ROBO1: variants seen among roughly 807,000 people sequenced by gnomAD.
ROBO1 encodes the protein roundabout homolog 1.
ROBO1 carries 149 observed loss-of-function variants against 195.9 expected under a neutral mutation model. The observed-to-expected ratio is 0.76, with a 90% CI of 0.67 to 0.87. The LOEUF (loss-of-function observed/expected upper bound fraction) is 0.87, where lower values mean the gene tolerates loss of function less well. Ranked by LOEUF, ROBO1 falls within the 40% of genes least tolerant of loss-of-function variation. ROBO1 has a pLI of 0.00. For synonymous variants in ROBO1, 816 were observed against 733.2 expected (o/e 1.11, Z -1.82); for missense variants, 1,933 against 2,068.3 (o/e 0.93, Z 1.27).
chr3:78,640,687 A>G (rs942431795), intron 21 of ROBO1, among the ~76,000 whole-genome samples: 1 of 152,190 alleles, frequency 6.6e-6, no homozygotes, highest in African/African-American at 2.4e-5. Context: ...CCTTGGACCA[A>G]CAGAGCCAGG....
intron 2 of ROBO1, among the ~76,000 whole-genome samples, chr3:79,575,321 C>CAAATATATATAAATATATATATAAT (rs1560007663): frequency 9.9e-6 from 1 of 100,820 alleles, no homozygotes; most frequent in African/African-American, 4.6e-5. Context: ...ATATATATAA[C>CAAATATATATAAATATATATATAAT]ATATATATAA....
intron 8 of ROBO1, chr3:78,693,382 A>C: frequency 6.8e-7 from 1 of 1,460,128 alleles, no homozygotes. Context: ...AAAAGAAAAC[A>C]TGGAATAAAT....
intron 26 of ROBO1, among the ~76,000 whole-genome samples, 154 bp from the exon 27 acceptor site, chr3:78,618,195 A>G (rs1704243315): frequency 1.3e-5 from 2 of 152,192 alleles, no homozygotes; most frequent in African/African-American, 4.8e-5. Flanking sequence ...AATATATTTA[A>G]GTTTGATTTT....
chr3:79,053,991 C>T (rs934039661), intron 3 of ROBO1, among the ~76,000 whole-genome samples: 1 of 152,080 alleles, frequency 6.6e-6, no homozygotes, highest in Non-Finnish European at 1.5e-5. Flanking sequence ...AATGGTATTA[C>T]AAACTTTTTG....
At chr3:79,543,849 G>T (rs905087787) in intron 2 of ROBO1, among the ~76,000 whole-genome samples, 3 of 152,192 alleles carry the variant, frequency 2.0e-5, no homozygotes, top group African/African-American at 7.2e-5. Context: ...AGGTACTTAT[G>T]TGTATGCAAA....
chr3:79,527,087 T>G (rs1248475687), intron 2 of ROBO1, among the ~76,000 whole-genome samples: 3 of 152,174 alleles, frequency 2.0e-5, no homozygotes, highest in Admixed American at 6.5e-5. Flanking sequence ...TGGGAATATA[T>G]TTCCAAACCA....
intron 2 of ROBO1, among the ~76,000 whole-genome samples, chr3:79,171,642 T>C (rs902606002): frequency 2.0e-5 from 3 of 152,058 alleles, no homozygotes; most frequent in African/African-American, 7.2e-5. Context: ...ATTCACGTGA[T>C]TGAAAAACAA....
intron 2 of ROBO1, among the ~76,000 whole-genome samples, chr3:79,331,062 T>C (rs921749476): frequency 6.6e-6 from 1 of 152,202 alleles, no homozygotes; most frequent in Admixed American, 6.5e-5. Flanking sequence ...ACTCTAGTAA[T>C]ATTAAAAATA....
chr3:79,349,298 A>G (rs746927757), intron 2 of ROBO1, among the ~76,000 whole-genome samples: 1 of 152,178 alleles, frequency 6.6e-6, no homozygotes, highest in Non-Finnish European at 1.5e-5. Context: ...ATTAGTTAAA[A>G]GAAATTAAAG....
chr3:79,488,621 A>G (rs1256768012), intron 2 of ROBO1, among the ~76,000 whole-genome samples: 1 of 152,218 alleles, frequency 6.6e-6, no homozygotes, highest in African/African-American at 2.4e-5. Context: ...TTGCTGTCTC[A>G]GCATTATACC....
At chr3:79,186,654 C>T (rs997908403) in intron 2 of ROBO1, among the ~76,000 whole-genome samples, 1 of 152,028 alleles carries the variant, frequency 6.6e-6, no homozygotes, top group Non-Finnish European at 1.5e-5. Flanking sequence ...GAGGTATGAC[C>T]ATGTGGTTCA....
intron 1 of ROBO1, among the ~76,000 whole-genome samples, chr3:79,681,946 C>T (rs1054869119): frequency 6.6e-6 from 1 of 151,916 alleles, no homozygotes; most frequent in South Asian, 2.1e-4. Flanking sequence ...TTCATTGTTA[C>T]TGCTTATATA....
chr3:79,265,116 T>G (rs2083014912), intron 2 of ROBO1, among the ~76,000 whole-genome samples: 1 of 151,838 alleles, frequency 6.6e-6, no homozygotes, highest in South Asian at 2.1e-4. Context: ...AGGTTAAAAT[T>G]ACTTCATAGA....
intron 2 of ROBO1, among the ~76,000 whole-genome samples, chr3:79,569,999 C>A (rs1943227226): frequency 6.6e-6 from 1 of 151,926 alleles, no homozygotes; most frequent in Non-Finnish European, 1.5e-5. Context: ...TAGTGGGATG[C>A]TGAGGTGGGA....
intron 2 of ROBO1, among the ~76,000 whole-genome samples, chr3:79,527,485 A>G (rs548894673): frequency 6.6e-6 from 1 of 152,288 alleles, no homozygotes; most frequent in East Asian, 1.9e-4. Flanking sequence ...CAAATTTTCT[A>G]TGGTTAATAT....
At position 78,639,425 on chromosome 3, in the gene ROBO1, GA is replaced by G. The variant is rs1388378893; in HGVS notation, c.3037+318del. Among the ~76,000 whole-genome samples the G allele has an allele frequency of 2.6e-5, 4 of 152,294 alleles. No homozygotes were observed. The East Asian group carries it at 7.7e-4, about 29-fold the overall frequency. On this transcript the variant is annotated intron_variant, in intron 22 of 30. Coordinates refer to ENST00000464233, the MANE Select transcript of ROBO1 (RefSeq NM_002941.4). ...CCACTACACTCCAGCCTGAGCATCA[GA>G]GTGAGATTCTGTCTCCAATAAATAA...
chr3:79,235,542 T>C (rs191037135), intron 2 of ROBO1, among the ~76,000 whole-genome samples: 334 of 152,238 alleles, frequency 2.2e-3, no homozygotes, highest in African/African-American at 7.6e-3. Context: ...TCACATCAAA[T>C]GAATGGTCAA....
At chr3:78,763,924 T>C (rs896050028) in intron 4 of ROBO1, among the ~76,000 whole-genome samples, 1 of 152,192 alleles carries the variant, frequency 6.6e-6, no homozygotes, top group Non-Finnish European at 1.5e-5. Context: ...GGTTAGTGTA[T>C]GAAGTAAAAG....
intron 5 of ROBO1, among the ~76,000 whole-genome samples, chr3:78,734,477 C>A (rs1430168537): frequency 6.6e-6 from 1 of 151,858 alleles, no homozygotes; most frequent in South Asian, 2.1e-4. Context: ...GGGATGATCA[C>A]CTGAGCCCAG....
Sources: allele counts gnomAD v4.1 joint callset (sites outside exome capture counted in the v4.1 genomes callset), GRCh38; gene constraint gnomAD v4.1.1; transcripts MANE v1.5; gene names NCBI Gene and HGNC (gene_info 2026-07-23, HGNC 2026-07-21).